Variants in TCEANC observed in about 807,000 individuals in gnomAD.
TCEANC encodes the protein transcription elongation factor A N-terminal and central domain containing.
A neutral mutation model predicts 8.7 loss-of-function variants in TCEANC; 8 were observed. The ratio of observed to expected loss-of-function variants is 0.92; its 90% CI spans 0.54 to 1.65. The LOEUF (loss-of-function observed/expected upper bound fraction) is 1.65. TCEANC is among the 40% of genes most tolerant of loss of function. The pLI, the probability that TCEANC is intolerant of heterozygous loss-of-function variation, is 0.00. For synonymous variants in TCEANC, 78 were observed against 92.9 expected (o/e 0.84, Z 0.92); for missense variants, 255 against 251.9 (o/e 1.01, Z -0.08).
chrX:13,664,691 A>G (rs1260718949), exon 2 of TCEANC: 1 of 123,151 alleles, frequency 8.1e-6, no homozygotes, highest in African/African-American at 3.2e-5. Flanking sequence ...GAGGAAGCCC[A>G]TCACTTTAGC....
At chrX:13,656,249 G>A (rs1450298540) in intron 1 of TCEANC, among the ~76,000 whole-genome samples, 2 of 112,202 alleles carry the variant, frequency 1.8e-5, no homozygotes, top group African/African-American at 6.5e-5. Flanking sequence ...ACTCCCACTA[G>A]GCTATCAGCT....
chrX:13,664,735 ATGAAT>A (rs1302470396), exon 2 of TCEANC: 1 of 123,240 alleles, frequency 8.1e-6, no homozygotes, highest in Non-Finnish European at 1.9e-5. Context: ...TATCTAATAA[ATGAAT>A]TGAAGATAAA....
At chrX:13,658,110 A>C (rs1271123574) in intron 1 of TCEANC, among the ~76,000 whole-genome samples, 1 of 112,309 alleles carries the variant, frequency 8.9e-6, no homozygotes, top group Non-Finnish European at 1.9e-5. Context: ...CTATACAGAC[A>C]GAAAAAAGAT....
intron 1 of TCEANC, among the ~76,000 whole-genome samples, chrX:13,657,909 A>G (rs776843783): frequency 3.6e-5 from 4 of 112,007 alleles, no homozygotes; most frequent in African/African-American, 9.7e-5. Context: ...ATGTCCATCA[A>G]CTGATGAATG....
At position 13,655,788 on chromosome X, in the gene TCEANC, G is replaced by A. The variant is rs1237147482; in HGVS notation, c.-9+415G>A. ...TTTAATTTCCCCAGAGGATTCTAAT[G>A]TGCAGCCAGGCTTGAGAACCACTAA... On this transcript the variant is annotated intron_variant, in intron 1 of 1. Transcript: ENST00000380600. Among the ~76,000 whole-genome samples, 4 of 112,685 alleles carry A rather than the reference G, an allele frequency of 3.5e-5. No individual in the cohort carries two copies. The Admixed American group carries it at 3.8e-4, about 11-fold the overall frequency.
chrX:13,664,025 C>G (rs2045994894), exon 2 of TCEANC: 1 of 126,192 alleles, frequency 7.9e-6, no homozygotes, highest in African/African-American at 3.2e-5. Context: ...AGACCCCACC[C>G]TAGAACAATT....
intron 1 of TCEANC, among the ~76,000 whole-genome samples, chrX:13,662,104 A>G (rs2045970535): frequency 8.9e-6 from 1 of 112,036 alleles, no homozygotes; most frequent in Non-Finnish European, 1.9e-5. Context: ...ACTGTTCAGC[A>G]TTGCCATATT....
intron 1 of TCEANC, among the ~76,000 whole-genome samples, chrX:13,657,825 A>C (rs1280680072): frequency 9.9e-6 from 1 of 101,373 alleles, no homozygotes; most frequent in Non-Finnish European, 2.0e-5. Context: ...AAAAAAAAAA[A>C]AACACACACA....
At chrX:13,663,091 G>A (rs1569218389) in exon 2 of TCEANC, 1 of 1,211,365 alleles carries the variant, frequency 8.3e-7, no homozygotes. Flanking sequence ...TCAACCCAAA[G>A]CTGATTTGTG....
rs1157008224 is a variant in TCEANC at position 13,657,361 on chromosome X, T to C, written c.-9+1988T>C. Among the ~76,000 whole-genome samples the C allele has an allele frequency of 3.6e-5, 4 of 112,016 alleles. No individual in the cohort carries two copies. In the East Asian group the frequency reaches 1.1e-3, roughly 31 times the overall value. On this transcript the variant is annotated intron_variant, in intron 1 of 1. Transcript: ENST00000380600. Reference sequence around the variant, plus strand: ...CTAGGATGATCCAATAACATAACCATTTAAAAATCGTGTTTTTAGAGAATA... The same window carrying C: ...CTAGGATGATCCAATAACATAACCACTTAAAAATCGTGTTTTTAGAGAATA...
chrX:13,664,417 T>C (rs1941827915), exon 2 of TCEANC: 1 of 123,598 alleles, frequency 8.1e-6, no homozygotes, highest in South Asian at 3.7e-4. Context: ...CCCCTCTCTT[T>C]TCTCATTTAT....
intron 1 of TCEANC, among the ~76,000 whole-genome samples, chrX:13,661,350 T>C (rs1417486008): frequency 8.9e-6 from 1 of 112,207 alleles, no homozygotes; most frequent in Non-Finnish European, 1.9e-5. Context: ...AGAAGAAAAT[T>C]CTTACATATG....
At chrX:13,665,253 G>A (rs761970479) in exon 2 of TCEANC, 10 of 123,663 alleles carry the variant, frequency 8.1e-5, no homozygotes, top group Middle Eastern at 4.6e-3. Flanking sequence ...CTATTCAGTG[G>A]TTACGAAAGA....
chrX:13,662,258 T>C (rs1651708066), intron 1 of TCEANC, among the ~76,000 whole-genome samples: 1 of 111,986 alleles, frequency 8.9e-6, no homozygotes, highest in Admixed American at 9.5e-5. Context: ...CTTAAGCAGA[T>C]GTTATGTAGA....
exon 2 of TCEANC, chrX:13,663,510 A>G (rs750210723): frequency 5.1e-6 from 6 of 1,169,507 alleles, no homozygotes; most frequent in Non-Finnish European, 6.9e-6. Context: ...TGACTTACGT[A>G]ATTTGTAACG....
chrX:13,662,596 C>T (rs2045974780), exon 2 of TCEANC: 1 of 1,210,182 alleles, frequency 8.3e-7, no homozygotes, highest in Non-Finnish European at 1.1e-6. Context: ...TGGCAACCAC[C>T]TTACTGAGCT....
chrX:13,662,417 G>A, intron 1 of TCEANC, 84 bp from the exon 5 acceptor site: 1 of 884,103 alleles, frequency 1.1e-6, no homozygotes, highest in East Asian at 3.1e-5. Context: ...CTAGGTAACT[G>A]ACAGAAAGTG....
At chrX:13,657,060 A>G (rs370428330) in intron 1 of TCEANC, among the ~76,000 whole-genome samples, 4 of 112,368 alleles carry the variant, frequency 3.6e-5, no homozygotes, top group African/African-American at 1.3e-4. Context: ...TCAAAAATCC[A>G]TGGGCTCTGT....
exon 2 of TCEANC, chrX:13,665,081 C>T (rs765516538): frequency 1.6e-5 from 2 of 123,908 alleles, no homozygotes; most frequent in African/African-American, 6.4e-5. Context: ...AGAGTCGGCT[C>T]AATGCCATCA....
Sources: gnomAD v4.1 joint callset for allele counts (sites outside exome capture counted in the v4.1 genomes callset) on GRCh38, gnomAD v4.1.1 for gene constraint, MANE v1.5 for transcripts, NCBI Gene and HGNC (gene_info 2026-07-23, HGNC 2026-07-21) for gene names.